The following CSGALNACT1 variants were observed in gnomAD, a reference collection of about 807,000 sequenced individuals.
CSGALNACT1 encodes chondroitin sulfate N-acetylgalactosaminyltransferase 1.
Under a neutral mutation model 51.0 loss-of-function variants are expected in CSGALNACT1, and 52 were observed. That is an observed-to-expected ratio of 1.02 (90% CI 0.82 to 1.29). The LOEUF (loss-of-function observed/expected upper bound fraction) is 1.29. CSGALNACT1 is among the 50% of genes most tolerant of loss of function. CSGALNACT1 has a pLI of 0.00. For missense variants in CSGALNACT1, 935 were observed against 679.2 expected (o/e 1.38, Z -4.19); for synonymous variants, 341 against 254.4 (o/e 1.34, Z -3.24).
chr8:19,657,510 A>C (rs1225824054), intron 1 of CSGALNACT1, among the ~76,000 whole-genome samples: 2 of 152,240 alleles, frequency 1.3e-5, no homozygotes, highest in African/African-American at 4.8e-5. Context: ...AGAACACCAA[A>C]GACAAATACA....
exon 10 of CSGALNACT1, chr8:19,404,205 C>G: frequency 2.6e-6 from 1 of 383,808 alleles, no homozygotes; most frequent in South Asian, 2.0e-5. Context: ...ATACCACCTT[C>G]CATTCATGGC....
intron 1 of CSGALNACT1, among the ~76,000 whole-genome samples, chr8:19,716,625 A>C (rs2062825984): frequency 6.8e-6 from 1 of 146,514 alleles, no homozygotes; most frequent in African/African-American, 2.5e-5. Flanking sequence ...AAAAAAAAAA[A>C]AAAAAAAAAA....
At chr8:19,471,885 C>A (rs1177687740) in intron 4 of CSGALNACT1, among the ~76,000 whole-genome samples, 1 of 152,192 alleles carries the variant, frequency 6.6e-6, no homozygotes, top group Non-Finnish European at 1.5e-5. Context: ...GGCCTCTGCA[C>A]TTTTCTCCCT....
At chr8:19,514,074 A>G (rs144546227) in intron 3 of CSGALNACT1, among the ~76,000 whole-genome samples, 1 of 152,258 alleles carries the variant, frequency 6.6e-6, no homozygotes, top group African/African-American at 2.4e-5. Flanking sequence ...ATTAGCATCT[A>G]TCTATGGGCC....
chr8:19,741,421 G>A (rs974230852), intron 1 of CSGALNACT1, among the ~76,000 whole-genome samples: 12 of 152,020 alleles, frequency 7.9e-5, no homozygotes, highest in African/African-American at 2.7e-4. Context: ...AAATTAGCCG[G>A]GCGTGGTGGC....
intron 3 of CSGALNACT1, among the ~76,000 whole-genome samples, chr8:19,555,009 C>A (rs4549790): frequency 1.2e-4 from 18 of 151,018 alleles, no homozygotes; most frequent in Admixed American, 1.1e-3. Flanking sequence ...GGACGCCGAG[C>A]GGGGGTGAAT....
rs570148115 is a variant in CSGALNACT1 at position 19,434,737 on chromosome 8, T to C, written c.953+5093A>G. ...TCTGCAAGGTGCTACTCCCTGTCCC[T>C]GTTTCCCAGGGTCCGAGACTAATTA... On this transcript the variant is annotated intron_variant, in intron 6 of 9. Coordinates refer to ENST00000454498, the Ensembl canonical transcript of CSGALNACT1. Among the ~76,000 whole-genome samples, 75 of 152,192 alleles carry C rather than the reference T, an allele frequency of 4.9e-4. 1 individual carries two copies. The highest frequency in any genetic ancestry group is 1.2e-3 in the Admixed American group (19 of 15,264).
intron 6 of CSGALNACT1, among the ~76,000 whole-genome samples, chr8:19,437,575 A>G (rs1276593504): frequency 2.0e-5 from 3 of 151,456 alleles, no homozygotes; most frequent in African/African-American, 7.3e-5. Context: ...CACTACAGAT[A>G]TCACTGGTTA....
intron 3 of CSGALNACT1, among the ~76,000 whole-genome samples, chr8:19,541,088 A>T (rs990079430): frequency 1.4e-5 from 2 of 148,082 alleles, no homozygotes; most frequent in Non-Finnish European, 3.0e-5. Flanking sequence ...CTGGGTGATA[A>T]TTTTTTTTTT....
intron 4 of CSGALNACT1, among the ~76,000 whole-genome samples, chr8:19,492,306 T>A (rs1265864641): frequency 6.6e-6 from 1 of 152,210 alleles, no homozygotes; most frequent in Non-Finnish European, 1.5e-5. Flanking sequence ...GCCCTCACGA[T>A]GAAATCAACC....
intron 1 of CSGALNACT1, among the ~76,000 whole-genome samples, chr8:19,670,663 A>AAAAAAAAAAAAAAAG: frequency 6.6e-6 from 1 of 151,098 alleles, no homozygotes; most frequent in African/African-American, 2.4e-5. Context: ...AAAAAAAAAA[A>AAAAAAAAAAAAAAAG]AAAAAAAAAA....
At chr8:19,435,099 A>G (rs2060180968) in intron 6 of CSGALNACT1, among the ~76,000 whole-genome samples, 1 of 152,190 alleles carries the variant, frequency 6.6e-6, no homozygotes, top group East Asian at 1.9e-4. Context: ...ATTCCTCTGA[A>G]GGATGCTTTC....
intron 1 of CSGALNACT1, among the ~76,000 whole-genome samples, chr8:19,612,226 C>G (rs955748230): frequency 6.6e-6 from 1 of 152,048 alleles, no homozygotes; most frequent in Non-Finnish European, 1.5e-5. Context: ...GCCTGTAATT[C>G]TAGCTACTCA....
intron 1 of CSGALNACT1, among the ~76,000 whole-genome samples, chr8:19,679,551 G>C (rs892673606): frequency 1.3e-5 from 2 of 152,130 alleles, no homozygotes; most frequent in African/African-American, 4.8e-5. Context: ...TACTGACGCA[G>C]GATGCTGACA....
chr8:19,613,432 G>A lies in CSGALNACT1; in HGVS notation c.-543-11567C>T, dbSNP rs112855246. On this transcript the variant is annotated intron_variant, in intron 1 of 9. Coordinates refer to the CSGALNACT1 transcript ENST00000332246. ...GCACAGACCGGTTTTCTTTGGTTGC[G>A]TTCACCATGCGCACACTATTTTCTA... 8.4e-3 allele frequency among the ~76,000 whole-genome samples: 1,272 copies of A among 152,208 alleles called. 21 individuals carry two copies. The highest frequency in any genetic ancestry group is 0.03 in the African/African-American group (1,226 of 41,526).
At chr8:19,572,489 T>C (rs1489860251) in intron 3 of CSGALNACT1, among the ~76,000 whole-genome samples, 1 of 152,206 alleles carries the variant, frequency 6.6e-6, no homozygotes, top group African/African-American at 2.4e-5. Flanking sequence ...GCCTTACCTA[T>C]GGCCAAGGCT....
At chr8:19,538,806 C>T (rs557406175) in intron 3 of CSGALNACT1, among the ~76,000 whole-genome samples, 9 of 152,180 alleles carry the variant, frequency 5.9e-5, no homozygotes, top group South Asian at 4.1e-4. Flanking sequence ...ATCCTGGTTC[C>T]GTTGCTTCCT....
chr8:19,568,495 G>A (rs927485468), intron 3 of CSGALNACT1, among the ~76,000 whole-genome samples: 1 of 152,200 alleles, frequency 6.6e-6, no homozygotes, highest in East Asian at 1.9e-4. Context: ...TCTGATGGTG[G>A]ATCAGGATTA....
chr8:19,451,535 A>G (rs1198432333), intron 5 of CSGALNACT1, among the ~76,000 whole-genome samples: 4 of 152,104 alleles, frequency 2.6e-5, no homozygotes, highest in African/African-American at 9.7e-5. Context: ...CCCATGGATC[A>G]CCCCAAGCAC....
Sources: gnomAD v4.1 joint callset for allele counts (sites outside exome capture counted in the v4.1 genomes callset) on GRCh38, gnomAD v4.1.1 for gene constraint, MANE v1.5 for transcripts, NCBI Gene and HGNC (gene_info 2026-07-23, HGNC 2026-07-21) for gene names.